EPB41L2: variants seen among roughly 807,000 people sequenced by gnomAD.
The protein encoded by EPB41L2 is band 4.1-like protein 2.
Under a neutral mutation model 113.0 loss-of-function variants are expected in EPB41L2, and 43 were observed. The observed-to-expected ratio is 0.38, with a 90% CI of 0.30 to 0.49. EPB41L2 has a LOEUF of 0.49. EPB41L2 is among the 20% of genes least tolerant of loss of function. The pLI is 0.95. For missense variants in EPB41L2, 1,147 were observed against 1,223.4 expected (o/e 0.94, Z 0.93); for synonymous variants, 442 against 436.7 (o/e 1.01, Z -0.15).
intron 1 of EPB41L2, among the ~76,000 whole-genome samples, chr6:131,059,198 T>C (rs2128208249): frequency 6.9e-6 from 1 of 145,764 alleles, no homozygotes; most frequent in Middle Eastern, 3.5e-3. Flanking sequence ...CACAGCAAGC[T>C]CTGCCTCCCG....
At chr6:130,912,739 T>C (rs971519591) in intron 4 of EPB41L2, among the ~76,000 whole-genome samples, 1 of 151,866 alleles carries the variant, frequency 6.6e-6, no homozygotes. Context: ...CCAGCCTCGA[T>C]AAGTGCACAG....
At chr6:131,011,270 G>A (rs926049169) in intron 1 of EPB41L2, among the ~76,000 whole-genome samples, 2 of 152,202 alleles carry the variant, frequency 1.3e-5, no homozygotes, top group African/African-American at 4.8e-5. Flanking sequence ...CATAAAGGAT[G>A]GAGGGAAGAA....
chr6:130,888,331 G>C (rs1791710070), intron 11 of EPB41L2, among the ~76,000 whole-genome samples: 1 of 152,094 alleles, frequency 6.6e-6, no homozygotes. Context: ...CCCATCTGAT[G>C]AATTACGGCC....
At chr6:130,860,668 G>A (rs1363236920) in intron 18 of EPB41L2, among the ~76,000 whole-genome samples, 1 of 151,828 alleles carries the variant, frequency 6.6e-6, no homozygotes, top group African/African-American at 2.4e-5. Flanking sequence ...GAATAGCTGC[G>A]ACTACAGGCG....
At chr6:130,959,010 A>C (rs145831423) in intron 1 of EPB41L2, among the ~76,000 whole-genome samples, 57 of 152,340 alleles carry the variant, frequency 3.7e-4, no homozygotes, top group Non-Finnish European at 6.6e-4. Context: ...AGACCTGAGA[A>C]GACGATGGTC....
chr6:130,842,053 T>C (rs773692053), intron 19 of EPB41L2, among the ~76,000 whole-genome samples: 26 of 152,174 alleles, frequency 1.7e-4, no homozygotes, highest in Non-Finnish European at 2.9e-4. Flanking sequence ...GAGTGGTAAT[T>C]AACGTCTTTT....
chr6:131,052,833 C>T (rs1584799905), intron 1 of EPB41L2, among the ~76,000 whole-genome samples: 1 of 152,102 alleles, frequency 6.6e-6, no homozygotes, highest in East Asian at 1.9e-4. Context: ...CTTCTCTGCC[C>T]CACTCGCCCT....
At chr6:131,047,385 G>A (rs1401655876) in intron 1 of EPB41L2, among the ~76,000 whole-genome samples, 1 of 152,142 alleles carries the variant, frequency 6.6e-6, no homozygotes. Context: ...CTATAGAACA[G>A]TGTCTGACAT....
At chr6:130,956,908 T>C (rs1314700473) in intron 1 of EPB41L2, among the ~76,000 whole-genome samples, 1 of 152,228 alleles carries the variant, frequency 6.6e-6, no homozygotes, top group Non-Finnish European at 1.5e-5. Flanking sequence ...AGGAAGATGT[T>C]ATCAACAGTG....
intron 1 of EPB41L2, among the ~76,000 whole-genome samples, chr6:130,994,396 A>G (rs552824212): frequency 6.6e-6 from 1 of 152,288 alleles, no homozygotes; most frequent in South Asian, 2.1e-4. Context: ...GTGCAACAGG[A>G]GAGGGCAGGG....
chr6:130,976,203 G>A (rs1033402321), intron 1 of EPB41L2, among the ~76,000 whole-genome samples: 2 of 152,050 alleles, frequency 1.3e-5, no homozygotes, highest in South Asian at 2.1e-4. Flanking sequence ...TTTTTTTAAC[G>A]TTTTTAAAAA....
At chr6:130,870,375 C>T in intron 14 of EPB41L2, 2 of 1,550,552 alleles carry the variant, frequency 1.3e-6, no homozygotes, top group Non-Finnish European at 1.7e-6. Context: ...GACTCGGGAG[C>T]ACGTGTCTGC....
At chr6:130,965,701 G>A (rs1378608796) in intron 1 of EPB41L2, among the ~76,000 whole-genome samples, 2 of 149,130 alleles carry the variant, frequency 1.3e-5, no homozygotes, top group East Asian at 1.9e-4. Flanking sequence ...CATATGAAGA[G>A]GTACTTGTCA....
intron 1 of EPB41L2, among the ~76,000 whole-genome samples, chr6:130,961,920 C>T (rs1046849343): frequency 1.2e-4 from 18 of 152,162 alleles, no homozygotes; most frequent in African/African-American, 4.1e-4. Flanking sequence ...AACAACAAAA[C>T]TTTGCAACAA....
At chr6:130,996,774 A>G (rs972169718) in intron 1 of EPB41L2, among the ~76,000 whole-genome samples, 1 of 152,250 alleles carries the variant, frequency 6.6e-6, no homozygotes, top group African/African-American at 2.4e-5. Flanking sequence ...GAAATGTTCA[A>G]CCAAAATGGT....
Position 130,895,199 on chromosome 6 carries a change from T to C in EPB41L2, c.1237-80A>G, listed in dbSNP as rs1036790715. The stretch of plus-strand genomic sequence containing the variant: ...CAAGAAGCTAATTAGCTCCCTCAAA[T>C]CATGATCAGGAATGACAGTTTAACA... On this transcript the variant is annotated intron_variant, in intron 8 of 19. Coordinates refer to ENST00000337057, the MANE Select transcript of EPB41L2 (RefSeq NM_001431.4). 1.9e-5 allele frequency: 28 copies of C among 1,458,822 alleles called. No homozygotes were observed. The Admixed American group carries it at 6.2e-4, about 32-fold the overall frequency. 90.4% of individuals were successfully genotyped at this position (1,458,822 alleles called of 1,614,324 possible). A position where few individuals can be genotyped will look rare whatever the true frequency, so the allele number is the denominator to read the frequency against.
chr6:131,046,823 T>A (rs1267909777), intron 1 of EPB41L2, among the ~76,000 whole-genome samples: 1 of 152,244 alleles, frequency 6.6e-6, no homozygotes, highest in Non-Finnish European at 1.5e-5. Flanking sequence ...ATCTCATCAG[T>A]GCTTTCTAGT....
intron 1 of EPB41L2, among the ~76,000 whole-genome samples, chr6:131,033,660 T>C (rs1210746431): frequency 6.6e-6 from 1 of 152,236 alleles, no homozygotes; most frequent in Non-Finnish European, 1.5e-5. Flanking sequence ...GAAAACACTA[T>C]GCTAAGTGAA....
At chr6:130,955,865 C>T in intron 2 of EPB41L2, 129 bp downstream of exon 2, 2 of 1,456,174 alleles carry the variant, frequency 1.4e-6, no homozygotes, top group Non-Finnish European at 1.8e-6. Context: ...AAGACCCATT[C>T]CGTATACATT....
Sources: gnomAD v4.1 joint callset for allele counts (sites outside exome capture counted in the v4.1 genomes callset) on GRCh38, gnomAD v4.1.1 for gene constraint, MANE v1.5 for transcripts, NCBI Gene and HGNC (gene_info 2026-07-23, HGNC 2026-07-21) for gene names.